DYM: variants seen among roughly 807,000 people sequenced by gnomAD.
DYM encodes dyggve-Melchior-Clausen syndrome protein.
A neutral mutation model predicts 93.1 loss-of-function variants in DYM; 78 were observed. The observed-to-expected ratio is 0.84, with a 90% CI of 0.70 to 1.01. The LOEUF (loss-of-function observed/expected upper bound fraction) is 1.01. DYM is among the 50% of genes least tolerant of loss of function. DYM has a pLI of 0.00. For synonymous variants in DYM, 321 were observed against 319.7 expected, an observed-to-expected ratio of 1.00 and a Z score of -0.04; for missense variants, 789 against 845.0, an observed-to-expected ratio of 0.93 and a Z score of 0.82.
At chr18:49,326,791 A>T (rs1196835560) in intron 8 of DYM, among the ~76,000 whole-genome samples, 1 of 152,216 alleles carries the variant, frequency 6.6e-6, no homozygotes, top group Non-Finnish European at 1.5e-5. Flanking sequence ...TAAAATACAG[A>T]GGAAAATATC....
At chr18:49,432,859 C>G (rs891942522) in intron 1 of DYM, among the ~76,000 whole-genome samples, 3 of 152,096 alleles carry the variant, frequency 2.0e-5, no homozygotes, top group Non-Finnish European at 4.4e-5. Context: ...TGGCTTCAAC[C>G]ACAGTGCTGA....
chr18:49,287,470 C>T (rs2059736467), intron 8 of DYM, among the ~76,000 whole-genome samples: 1 of 151,830 alleles, frequency 6.6e-6, no homozygotes, highest in Admixed American at 6.6e-5. Context: ...TTAATATCAT[C>T]AACATCAGCA....
At chr18:49,320,943 A>T (rs2062434492) in intron 8 of DYM, among the ~76,000 whole-genome samples, 1 of 152,236 alleles carries the variant, frequency 6.6e-6, no homozygotes, top group South Asian at 2.1e-4. Context: ...GTCAGTGAGT[A>T]ACCTTGAATA....
chr18:49,342,800 T>C (rs2064265334), intron 6 of DYM, among the ~76,000 whole-genome samples: 1 of 152,230 alleles, frequency 6.6e-6, no homozygotes, highest in African/African-American at 2.4e-5. Flanking sequence ...TAACATGCTA[T>C]ACAGGTTTGT....
chr18:49,416,986 T>C (rs969987144), intron 2 of DYM, among the ~76,000 whole-genome samples: 1 of 152,206 alleles, frequency 6.6e-6, no homozygotes, highest in South Asian at 2.1e-4. Flanking sequence ...TGAAGCATCA[T>C]GAACTATGTT....
At position 49,303,304 on chromosome 18, in the gene DYM, C is replaced by A. The variant is rs1382189134; in HGVS notation, c.764-16688G>T. On this transcript the variant is annotated intron_variant, in intron 8 of 17. Coordinates refer to ENST00000675505, the MANE Select transcript of DYM (RefSeq NM_001353214.3). ...GTCTCTTTGCAGGCCTGCTCAAATT[C>A]CTCAAAGAATAAATTGTTGTCACTA... 7.2e-5 allele frequency among the ~76,000 whole-genome samples: 11 copies of A among 152,262 alleles called. No individual in the cohort carries two copies. In the East Asian group the frequency reaches 2.1e-3, roughly 29 times the overall value.
chr18:49,362,494 T>C (rs768983788), intron 6 of DYM, among the ~76,000 whole-genome samples: 1 of 152,170 alleles, frequency 6.6e-6, no homozygotes, highest in Non-Finnish European at 1.5e-5. Context: ...TACTGGTAGT[T>C]GTTGGCTTTG....
intron 15 of DYM, among the ~76,000 whole-genome samples, chr18:49,148,527 G>C (rs2085430135): frequency 6.6e-6 from 1 of 152,010 alleles, no homozygotes; most frequent in South Asian, 2.1e-4. Flanking sequence ...CAAATTGCTA[G>C]ATTACAGGTG....
chr18:49,299,786 G>A (rs529237536), intron 8 of DYM, among the ~76,000 whole-genome samples: 3 of 152,024 alleles, frequency 2.0e-5, no homozygotes, highest in Admixed American at 6.5e-5. Context: ...GCTCACGCCT[G>A]TAATCCCAGC....
chr18:49,364,393 T>G lies in DYM; in HGVS notation c.422-1160A>C, dbSNP rs115252449. Reference sequence around the variant, plus strand: ...CCGGGAGGAAGAGGTTGCAGTGAACTGAGGTCGCGCCACAGCACTCCAGCC... The same window carrying G: ...CCGGGAGGAAGAGGTTGCAGTGAACGGAGGTCGCGCCACAGCACTCCAGCC... On this transcript the variant is annotated intron_variant, in intron 5 of 17. Coordinates refer to ENST00000675505, the MANE Select transcript of DYM (RefSeq NM_001353214.3). Among the ~76,000 whole-genome samples the G allele has an allele frequency of 5.3e-3, 800 of 151,476 alleles. 10 individuals are homozygous for G. The highest frequency in any genetic ancestry group is 0.018 in the African/African-American group (751 of 41,246).
intron 14 of DYM, among the ~76,000 whole-genome samples, chr18:49,204,236 G>T (rs987956256): frequency 6.6e-6 from 1 of 152,180 alleles, no homozygotes; most frequent in Non-Finnish European, 1.5e-5. Flanking sequence ...TATAAAAAGA[G>T]AATATAATGT....
intron 16 of DYM, among the ~76,000 whole-genome samples, chr18:49,098,991 T>C (rs1164111185): frequency 6.6e-6 from 1 of 152,180 alleles, no homozygotes; most frequent in Non-Finnish European, 1.5e-5. Flanking sequence ...AGAAAAGAAT[T>C]GGTTAACCAT....
intron 14 of DYM, among the ~76,000 whole-genome samples, chr18:49,203,880 A>AC (rs1179770365): frequency 7.4e-6 from 1 of 134,750 alleles, no homozygotes; most frequent in African/African-American, 2.8e-5. Flanking sequence ...GTAAAAAAAA[A>AC]AAAAAAAAAA....
chr18:49,305,312 C>T (rs977059524), intron 8 of DYM, among the ~76,000 whole-genome samples: 1 of 152,184 alleles, frequency 6.6e-6, no homozygotes, highest in African/African-American at 2.4e-5. Flanking sequence ...ATAACCATTC[C>T]ACTTGCTCTT....
chr18:49,107,095 TTG>T (rs2080896879), intron 16 of DYM, among the ~76,000 whole-genome samples: 1 of 152,126 alleles, frequency 6.6e-6, no homozygotes, highest in South Asian at 2.1e-4. Flanking sequence ...CTTGGAGGCT[TTG>T]TTCATTTCTT....
intron 3 of DYM, among the ~76,000 whole-genome samples, chr18:49,384,370 A>G (rs2068365778): frequency 6.6e-6 from 1 of 151,084 alleles, no homozygotes; most frequent in African/African-American, 2.4e-5. Flanking sequence ...TCACACCTGT[A>G]ATCCCAGCAC....
intron 11 of DYM, among the ~76,000 whole-genome samples, chr18:49,266,995 G>A (rs1488874292): frequency 2.6e-5 from 4 of 151,614 alleles, no homozygotes; most frequent in Non-Finnish European, 4.4e-5. Flanking sequence ...GTAAGCAGGA[G>A]AAAAGAAATA....
At chr18:49,146,394 G>A (rs2085145620) in intron 15 of DYM, among the ~76,000 whole-genome samples, 1 of 152,162 alleles carries the variant, frequency 6.6e-6, no homozygotes, top group South Asian at 2.1e-4. Context: ...CGGAAAAGAG[G>A]AAGTCAAATT....
rs1404595335 is a variant in DYM at position 49,440,444 on chromosome 18, T to C, written c.-53-9997A>G. On this transcript the variant is annotated intron_variant, in intron 1 of 17. Coordinates refer to ENST00000675505, the MANE Select transcript of DYM (RefSeq NM_001353214.3). ...AATATATATTTAGGAGTAAAGTGAC[T>C]ATATATTATATATTTATATAATATA... Among the ~76,000 whole-genome samples the C allele has an allele frequency of 5.5e-4, 61 of 111,346 alleles. 2 individuals carry two copies. The highest frequency in any genetic ancestry group is 8.4e-4 in the Admixed American group (7 of 8,326). 73.0% of individuals were successfully genotyped at this position (111,346 alleles called of 152,430 possible). A position where few individuals can be genotyped will look rare whatever the true frequency, so the allele number is the denominator to read the frequency against.
Sources: allele counts gnomAD v4.1 joint callset (sites outside exome capture counted in the v4.1 genomes callset), GRCh38; gene constraint gnomAD v4.1.1; transcripts MANE v1.5; gene names NCBI Gene and HGNC (gene_info 2026-07-23, HGNC 2026-07-21).